ADK: variants seen among roughly 807,000 people sequenced by gnomAD.
The protein encoded by ADK is N6,N6-dimethyladenosine kinase.
A neutral mutation model predicts 44.7 loss-of-function variants in ADK; 24 were observed. The ratio of observed to expected loss-of-function variants is 0.54; its 90% CI spans 0.39 to 0.76. The LOEUF is 0.76. Among genes scored for constraint, ADK ranks in the 30% least tolerant of loss-of-function variants. ADK has a pLI of 0.00. For synonymous variants in ADK, 128 were observed against 142.6 expected, an observed-to-expected ratio of 0.90 and a Z score of 0.73; for missense variants, 321 against 425.1, an observed-to-expected ratio of 0.76 and a Z score of 2.15.
rs374772409 is a variant in ADK, at chr10:74,315,891, T to C, written c.273+1146T>C. Among the ~76,000 whole-genome samples, 35 of 152,266 alleles carry C rather than the reference T, an allele frequency of 2.3e-4. 1 individual carries two copies. Among genetic ancestry groups the C allele is most frequent in the Middle Eastern group, 6.8e-3 (2 of 294 alleles). Reference sequence around the variant, plus strand: ...GTATTGGTCAATTGATTTGTATTGTTTTTGGTAAAACATCCTGGTGGTCAC... The same window carrying C: ...GTATTGGTCAATTGATTTGTATTGTCTTTGGTAAAACATCCTGGTGGTCAC... On this transcript the variant is annotated intron_variant, in intron 4 of 10. Coordinates refer to ENST00000539909, the MANE Select transcript of ADK (RefSeq NM_006721.4).
At chr10:74,614,496 G>A (rs1852673328) in intron 9 of ADK, among the ~76,000 whole-genome samples, 1 of 152,198 alleles carries the variant, frequency 6.6e-6, no homozygotes, top group South Asian at 2.1e-4. Context: ...GCTATAACCA[G>A]ATCAGGAAAT....
chr10:74,176,978 G>C (rs568582976), intron 1 of ADK: 1 of 1,549,588 alleles, frequency 6.5e-7, no homozygotes, highest in East Asian at 2.3e-5. Context: ...GGGTGGTCTG[G>C]AGCCTGCCTC....
chr10:74,695,170 ACTAGT>A (rs1292454608), intron 10 of ADK, among the ~76,000 whole-genome samples: 1 of 152,148 alleles, frequency 6.6e-6, no homozygotes, highest in Non-Finnish European at 1.5e-5. Context: ...ATCTGGTAAG[ACTAGT>A]CTCTCCTATC....
intron 3 of ADK, among the ~76,000 whole-genome samples, chr10:74,300,432 G>A (rs1005674684): frequency 1.3e-5 from 2 of 150,770 alleles, no homozygotes; most frequent in Admixed American, 1.3e-4. Context: ...GCTGGAGTGC[G>A]GTGGTGCTGT....
intron 3 of ADK, among the ~76,000 whole-genome samples, chr10:74,238,856 CTTTTTT>C (rs752385282): frequency 1.1e-5 from 1 of 88,194 alleles, no homozygotes; most frequent in Non-Finnish European, 2.0e-5. Flanking sequence ...TTAGCTAGTG[CTTTTTT>C]TTTTTTTTTT....
chr10:74,672,511 G>GC (rs764789236), intron 10 of ADK, among the ~76,000 whole-genome samples: 26 of 152,200 alleles, frequency 1.7e-4, no homozygotes, highest in Admixed American at 5.2e-4. Flanking sequence ...AAAGTAGAAA[G>GC]CAGGTAGAAA....
At chr10:74,155,201 G>T (rs1348049080) in intron 1 of ADK, among the ~76,000 whole-genome samples, 2 of 152,040 alleles carry the variant, frequency 1.3e-5, no homozygotes, top group African/African-American at 2.4e-5. Context: ...TTAAACCTAG[G>T]AGCTGGGCAT....
At chr10:74,675,650 G>A (rs1370651976) in intron 10 of ADK, among the ~76,000 whole-genome samples, 2 of 152,150 alleles carry the variant, frequency 1.3e-5, no homozygotes, top group African/African-American at 4.8e-5. Context: ...CTTTGTCACA[G>A]CAGGTCTACC....
rs139258656 is a variant in ADK at position 74,216,632 on chromosome 10, C to T, written c.141-7906C>T. Among the ~76,000 whole-genome samples the T allele has an allele frequency of 4.7e-3, 706 of 149,644 alleles. 6 individuals are homozygous for T. Among genetic ancestry groups the T allele is most frequent in the Admixed American group, 8.5e-3 (127 of 14,868 alleles). ...CCCAGCTATTTTGGGGACTGAGGCACGAGAATTGCTTGAACCCAGCAGGCA... is the reference window on the plus strand; with the variant it reads ...CCCAGCTATTTTGGGGACTGAGGCATGAGAATTGCTTGAACCCAGCAGGCA... On this transcript the variant is annotated intron_variant, in intron 2 of 10. Coordinates refer to ENST00000539909, the MANE Select transcript of ADK (RefSeq NM_006721.4).
chr10:74,516,009 G>A (rs1055842636), intron 6 of ADK, among the ~76,000 whole-genome samples: 1 of 152,168 alleles, frequency 6.6e-6, no homozygotes, highest in Admixed American at 6.5e-5. Flanking sequence ...ATACTACACA[G>A]GTGGCTATTC....
chr10:74,660,620 C>G (rs547204444), intron 9 of ADK, among the ~76,000 whole-genome samples: 4 of 151,274 alleles, frequency 2.6e-5, no homozygotes, highest in African/African-American at 9.8e-5. Context: ...ATCCCAGCTA[C>G]CTGGGAGTCT....
At chr10:74,235,967 T>C (rs528568454) in intron 3 of ADK, among the ~76,000 whole-genome samples, 51 of 152,308 alleles carry the variant, frequency 3.3e-4, no homozygotes, top group Non-Finnish European at 6.3e-4. Flanking sequence ...AAGAAGTTGC[T>C]GAGCAGAAGC....
intron 9 of ADK, among the ~76,000 whole-genome samples, chr10:74,609,609 A>G (rs954270007): frequency 2.0e-5 from 3 of 152,060 alleles, no homozygotes; most frequent in African/African-American, 7.2e-5. Flanking sequence ...CAGGACTCTC[A>G]GTTGGAAATG....
At chr10:74,224,665 C>T (rs901801653) in intron 3 of ADK, 74 bp downstream of exon 3, 2 of 1,225,960 alleles carry the variant, frequency 1.6e-6, no homozygotes, top group African/African-American at 1.5e-5. Context: ...TGTAAATTAT[C>T]TGATTTTCAA....
chr10:74,414,787 T>G (rs1844311720), intron 6 of ADK, among the ~76,000 whole-genome samples: 1 of 152,200 alleles, frequency 6.6e-6, no homozygotes, highest in South Asian at 2.1e-4. Context: ...TAGAATTTGT[T>G]TTCTTCAATA....
chr10:74,707,905 T>C (rs1390862816), intron 10 of ADK, among the ~76,000 whole-genome samples: 1 of 151,192 alleles, frequency 6.6e-6, no homozygotes, highest in East Asian at 2.0e-4. Flanking sequence ...GCTCAACACC[T>C]GTAATCCCAG....
intron 3 of ADK, among the ~76,000 whole-genome samples, chr10:74,257,606 C>T (rs1845875746): frequency 3.9e-5 from 6 of 151,958 alleles, no homozygotes; most frequent in Admixed American, 3.9e-4. Context: ...TTTAGTCTTT[C>T]TATATGACAT....
At chr10:74,607,208 A>G (rs116057048) in intron 9 of ADK, among the ~76,000 whole-genome samples, 1,626 of 152,236 alleles carry the variant, frequency 0.011, 32 homozygotes, top group African/African-American at 0.037. Flanking sequence ...GTGTTTTTCA[A>G]TTGGGGCATT....
chr10:74,175,369 C>A, intron 1 of ADK, among the ~76,000 whole-genome samples: 3 of 136,610 alleles, frequency 2.2e-5, no homozygotes, highest in Non-Finnish European at 3.1e-5. Flanking sequence ...AACAAGACTC[C>A]AGCTCAAAAA....
Sources: allele counts gnomAD v4.1 joint callset (sites outside exome capture counted in the v4.1 genomes callset), GRCh38; gene constraint gnomAD v4.1.1; transcripts MANE v1.5; gene names NCBI Gene and HGNC (gene_info 2026-07-23, HGNC 2026-07-21).